Variants in PPFIA2 observed in about 807,000 individuals in gnomAD.
PPFIA2 encodes PPFI scaffold protein A2.
A neutral mutation model predicts 175.5 loss-of-function variants in PPFIA2; 46 were observed. The ratio of observed to expected loss-of-function variants is 0.26; its 90% CI spans 0.21 to 0.34. The LOEUF (loss-of-function observed/expected upper bound fraction) is 0.34, where lower values mean the gene tolerates loss of function less well. Ranked by LOEUF, PPFIA2 falls within the 10% of genes least tolerant of loss-of-function variation. The probability of loss-of-function intolerance (pLI) is 1.00; values close to 1 mark genes in which losing one functional copy is unlikely to be tolerated. For synonymous variants in PPFIA2, 568 were observed against 511.4 expected, an observed-to-expected ratio of 1.11 and a Z score of -1.49; for missense variants, 1,179 against 1,506.1, an observed-to-expected ratio of 0.78 and a Z score of 3.60.
At chr12:81,689,629 A>C (rs1344317440) in intron 3 of PPFIA2, among the ~76,000 whole-genome samples, 1 of 152,076 alleles carries the variant, frequency 6.6e-6, no homozygotes, top group Admixed American at 6.6e-5. Flanking sequence ...TTCTACAGAC[A>C]GTCTTGTTCT....
chr12:81,723,049 C>T (rs2079557076), intron 3 of PPFIA2, among the ~76,000 whole-genome samples: 1 of 151,006 alleles, frequency 6.6e-6, no homozygotes, highest in Admixed American at 6.6e-5. Context: ...CTATGATCTG[C>T]CTAGCTTCAA....
intron 4 of PPFIA2, among the ~76,000 whole-genome samples, chr12:81,593,377 T>C (rs1026275712): frequency 6.6e-6 from 1 of 152,224 alleles, no homozygotes; most frequent in Non-Finnish European, 1.5e-5. Context: ...TTTACATTTA[T>C]ACATCTTTAG....
chr12:81,542,808 T>C (rs752040487), intron 4 of PPFIA2, among the ~76,000 whole-genome samples: 1 of 152,108 alleles, frequency 6.6e-6, no homozygotes, highest in Non-Finnish European at 1.5e-5. Flanking sequence ...TGCAATGTAA[T>C]CATAAAATAG....
intron 3 of PPFIA2, among the ~76,000 whole-genome samples, chr12:81,719,301 A>G (rs890827003): frequency 6.6e-5 from 10 of 151,572 alleles, no homozygotes; most frequent in Middle Eastern, 3.2e-3. Flanking sequence ...TTATGTTCCA[A>G]TGCAAAGCCA....
chr12:81,421,788 T>C (rs1026115235), intron 7 of PPFIA2, among the ~76,000 whole-genome samples: 1 of 151,916 alleles, frequency 6.6e-6, no homozygotes, highest in African/African-American at 2.4e-5. Flanking sequence ...CAAGATCCAG[T>C]GGTTTATTTT....
chr12:81,322,290 G>A (rs1020267622), intron 22 of PPFIA2, among the ~76,000 whole-genome samples: 3 of 152,096 alleles, frequency 2.0e-5, no homozygotes, highest in Non-Finnish European at 4.4e-5. Flanking sequence ...TGTTCTAAAC[G>A]TAATAGTAAA....
chr12:81,344,519 T>C, intron 19 of PPFIA2, 145 bp downstream of exon 19: 1 of 474,430 alleles, frequency 2.1e-6, no homozygotes, highest in Middle Eastern at 5.2e-4. Context: ...TCTATTATAA[T>C]CAAATTTAAA....
chr12:81,632,143 C>A (rs995463798), intron 4 of PPFIA2, among the ~76,000 whole-genome samples: 2 of 151,886 alleles, frequency 1.3e-5, no homozygotes, highest in African/African-American at 4.8e-5. Context: ...GAAGTGAGAA[C>A]TTGGTTTGTG....
intron 4 of PPFIA2, among the ~76,000 whole-genome samples, chr12:81,647,067 G>T (rs1293009065): frequency 5.8e-4 from 1 of 1,728 alleles, no homozygotes; most frequent in Admixed American, 4.1e-3. Flanking sequence ...AAAAAAAAAG[G>T]GGGGGGGAGC....
chr12:81,624,189 T>G (rs1188181596), intron 4 of PPFIA2, among the ~76,000 whole-genome samples: 2 of 151,728 alleles, frequency 1.3e-5, no homozygotes, highest in East Asian at 3.8e-4. Flanking sequence ...TATAAAACCT[T>G]GTATATATAA....
chr12:81,267,198 C>CTTTTTT, intron 29 of PPFIA2, 178 bp from the exon 30 acceptor site: 1 of 484,804 alleles, frequency 2.1e-6, no homozygotes, highest in Non-Finnish European at 3.7e-6. Context: ...AAAAACAGGG[C>CTTTTTT]TTTTTTTTTT....
chr12:81,558,448 T>G (rs1466246478), intron 4 of PPFIA2, among the ~76,000 whole-genome samples: 1 of 152,140 alleles, frequency 6.6e-6, no homozygotes, highest in Admixed American at 6.6e-5. Context: ...AATTAGAAAA[T>G]TCAGGCAATC....
Position 81,509,241 on chromosome 12 carries a change from C to T in PPFIA2, c.304-51375G>A, listed in dbSNP as rs12305967. On this transcript the variant is annotated intron_variant, in intron 4 of 32. Transcript: ENST00000549396. ...GATGGTGAAACTCTAGATTATGCCC[C>T]TTCTCAGTGGCTCACAGACTTCCAA... is the stretch of plus-strand genomic sequence containing the variant. Among the ~76,000 whole-genome samples the T allele has an allele frequency of 9.4e-4, 142 of 151,516 alleles. 1 individual carries two copies. Among genetic ancestry groups the T allele is most frequent in the African/African-American group, 3.3e-3 (135 of 41,272 alleles).
chr12:81,675,123 A>T (rs1170249390), intron 4 of PPFIA2, among the ~76,000 whole-genome samples: 2 of 151,744 alleles, frequency 1.3e-5, no homozygotes, highest in Non-Finnish European at 2.9e-5. Flanking sequence ...CCTCTTCACA[A>T]TATTATAAGT....
chr12:81,696,840 G>A (rs1329662939), intron 3 of PPFIA2, among the ~76,000 whole-genome samples: 1 of 151,826 alleles, frequency 6.6e-6, no homozygotes, highest in African/African-American at 2.4e-5. Context: ...AATTAGTCTT[G>A]ACCTATATGA....
chr12:81,318,093 T>A (rs1168604855), intron 22 of PPFIA2, among the ~76,000 whole-genome samples: 1 of 151,728 alleles, frequency 6.6e-6, no homozygotes, highest in Admixed American at 6.6e-5. Context: ...CACAAGGCCA[T>A]AAAGAACACG....
At chr12:81,384,566 A>G (rs1344118494) in intron 8 of PPFIA2, among the ~76,000 whole-genome samples, 1 of 151,928 alleles carries the variant, frequency 6.6e-6, no homozygotes, top group Admixed American at 6.6e-5. Flanking sequence ...TATAAATTAG[A>G]TATATAATTT....
chr12:81,282,875 A>C, intron 26 of PPFIA2, 135 bp downstream of exon 26: 1 of 608,658 alleles, frequency 1.6e-6, no homozygotes, highest in Non-Finnish European at 2.8e-6. Flanking sequence ...CATAATCTAC[A>C]TTTACCTATA....
At chr12:81,434,032 G>A (rs1207210955) in intron 7 of PPFIA2, among the ~76,000 whole-genome samples, 1 of 151,978 alleles carries the variant, frequency 6.6e-6, no homozygotes, top group African/African-American at 2.4e-5. Flanking sequence ...AGGTATTCCA[G>A]GAAAGACTTT....
Sources: gnomAD v4.1 joint callset for allele counts (sites outside exome capture counted in the v4.1 genomes callset) on GRCh38, gnomAD v4.1.1 for gene constraint, MANE v1.5 for transcripts, NCBI Gene and HGNC (gene_info 2026-07-23, HGNC 2026-07-21) for gene names.